NLRP3: variants seen among roughly 807,000 people sequenced by gnomAD.
The protein encoded by NLRP3 is NACHT, LRR and PYD domains-containing protein 3.
A neutral mutation model predicts 91.3 loss-of-function variants in NLRP3; 48 were observed. That is an observed-to-expected ratio of 0.53 (90% confidence interval 0.42 to 0.67). The LOEUF is 0.67. Among genes scored for constraint, NLRP3 ranks in the 30% least tolerant of loss-of-function variants. The pLI is 0.00. For missense variants in NLRP3, 982 were observed against 1,276.9 expected (o/e 0.77, Z 3.52); for synonymous variants, 561 against 507.9 (o/e 1.10, Z -1.41).
At chr1:247,421,273 C>T (rs1434875407) in intron 2 of NLRP3, among the ~76,000 whole-genome samples, 2 of 152,006 alleles carry the variant, frequency 1.3e-5, no homozygotes, top group African/African-American at 4.8e-5. Context: ...TAAGGCAGGG[C>T]AGCAGTGTGG....
chr1:247,448,268 CTTTTTTTT>C (rs58966539), intron 9 of NLRP3, 129 bp from the exon 10 acceptor site: 5 of 357,896 alleles, frequency 1.4e-5, no homozygotes, highest in African/African-American at 2.9e-5. Flanking sequence ...TGTGGTCCCT[CTTTTTTTT>C]TTTTTTTTTT....
intron 2 of NLRP3, among the ~76,000 whole-genome samples, chr1:247,420,608 T>G (rs1221278198): frequency 2.0e-5 from 3 of 152,064 alleles, no homozygotes; most frequent in African/African-American, 7.2e-5. Flanking sequence ...TCCCAGCTAC[T>G]CAGGAGGCTG....
Position 247,436,017 on chromosome 1 carries a change from C to G in NLRP3, c.2540C>G (p.Ser847Ter). ...TCAGCATGTTGTCAGGATCTTGCAT[C>G]AGTATTGAGCACCAGCCATTCCCTG... ...LTSACCQDLA[S>*]VLSTSHSLTR... The change falls in exon 7 of 10, where the codon TCA becomes TGA. Residue 847 changes from serine to a stop codon, truncating the protein, a stop_gained. Coordinates refer to ENST00000336119, the MANE Select transcript of NLRP3 (RefSeq NM_001243133.2). LOFTEE classifies it high-confidence loss of function. 1 of 1,614,092 alleles carries G rather than the reference C, an allele frequency of 6.2e-7. No individual in the cohort carries two copies. The highest frequency in any genetic ancestry group is 1.1e-5 in the South Asian group (1 of 91,076).
intron 4 of NLRP3, among the ~76,000 whole-genome samples, chr1:247,428,806 G>GA (rs1217174776): frequency 7.9e-5 from 12 of 151,492 alleles, no homozygotes; most frequent in African/African-American, 1.5e-4. Context: ...GGTTTCATCT[G>GA]AAAAAAAATT....
intron 7 of NLRP3, 25 bp from the exon 8 acceptor site, chr1:247,443,947 G>T: frequency 6.2e-7 from 1 of 1,613,050 alleles, no homozygotes; most frequent in Non-Finnish European, 8.5e-7. Flanking sequence ...GGGTACTGAG[G>T]ACTCTTCTCC....
At chr1:247,422,380 A>AC (rs1452529062) in intron 2 of NLRP3, among the ~76,000 whole-genome samples, 1 of 149,670 alleles carries the variant, frequency 6.7e-6, no homozygotes, top group Non-Finnish European at 1.5e-5. Context: ...CCCTGTCTCA[A>AC]AAAAAAAAAA....
rs1664749979 is a variant in NLRP3 at position 247,448,534 on chromosome 1, G to A, written c.*30G>A. The A allele has an allele frequency of 1.5e-6, 2 of 1,366,856 alleles. No individual in the cohort carries two copies. The highest frequency in any genetic ancestry group is 2.1e-6 in the Non-Finnish European group (2 of 954,594). The allele number at this position is 1,366,856 out of a possible 1,614,324, so 84.7% of individuals were successfully genotyped here. On this transcript the variant is annotated 3_prime_UTR_variant, in exon 10 of 10. Coordinates refer to ENST00000336119, the MANE Select transcript of NLRP3 (RefSeq NM_001243133.2). The stretch of plus-strand genomic sequence containing the variant: ...GGAAACGGGGCTGCCAGACGCCAGT[G>A]TTCTCCGGTCCCTCCAGCTGGGGGC...
chr1:247,419,112 G>T (rs751366577), intron 2 of NLRP3, 35 bp downstream of exon 2: 2 of 1,586,230 alleles, frequency 1.3e-6, no homozygotes, highest in East Asian at 4.5e-5. Context: ...AAAAATTGTG[G>T]CCAAGTGCAC....
chr1:247,438,927 C>CT (rs1011055023), intron 7 of NLRP3, among the ~76,000 whole-genome samples: 4 of 152,128 alleles, frequency 2.6e-5, no homozygotes, highest in Non-Finnish European at 5.9e-5. Context: ...ACCATCCAGA[C>CT]TTTTTTTAAT....
chr1:247,433,899 G>A (rs1444790086), intron 5 of NLRP3, among the ~76,000 whole-genome samples: 1 of 119,226 alleles, frequency 8.4e-6, no homozygotes, highest in Non-Finnish European at 1.8e-5. Context: ...GGTCAGATGT[G>A]TTCTGATGCT....
At chr1:247,429,494 T>C in intron 4 of NLRP3, 91 bp from the exon 5 acceptor site, 2 of 1,434,564 alleles carry the variant, frequency 1.4e-6, no homozygotes, top group Non-Finnish European at 2.0e-6. Flanking sequence ...GGCATTTCTC[T>C]GAACTGGTGC....
In NLRP3 at chr1:247,424,411, A is replaced by G. The variant is rs1480921250; in HGVS notation, c.962A>G (p.Gln321Arg). 1.2e-6 allele frequency: 2 copies of G among 1,614,166 alleles called. No homozygotes were observed. Among genetic ancestry groups the G allele is most frequent in the South Asian group, 1.1e-5 (1 of 91,082 alleles). ...EHIGPLCTDW[Q>R]KAERGDILLS... ...ATAGGACCGCTCTGCACTGACTGGC[A>G]GAAGGCCGAGCGGGGAGACATTCTC... The change falls in exon 4 of 10, where the codon CAG becomes CGG. Residue 321 changes from glutamine to arginine, a missense_variant. This residue lies in a region of NLRP3 where 548 missense variants were observed against 713.7 expected (regional missense o/e 0.77). Transcript: ENST00000336119. The surrounding 1 kb of genome is among the most constrained non-coding windows in gnomAD (Gnocchi z 8.1).
chr1:247,419,125 A>C, intron 2 of NLRP3, 48 bp downstream of exon 2: 1 of 1,527,536 alleles, frequency 6.5e-7, no homozygotes, highest in Non-Finnish European at 8.9e-7. Context: ...AAGTGCACAT[A>C]GTGTACAATT....
intron 2 of NLRP3, among the ~76,000 whole-genome samples, chr1:247,420,559 C>CA (rs1162431273): frequency 3.3e-5 from 5 of 151,498 alleles, no homozygotes; most frequent in Admixed American, 2.0e-4. Context: ...ACTAAAAATA[C>CA]AAAAAAAATT....
Position 247,423,274 on chromosome 1 carries a change from G to C in NLRP3, c.322G>C (p.Glu108Gln). The part of the protein sequence containing the change: ...RVSNPTVICQ[E>Q]DSIEEEWMGL... ...TTCGAATCCCACTGTGATATGCCAG[G>C]AAGACAGCATTGAAGAGGAGTGGAT... is the stretch of plus-strand genomic sequence containing the variant. Residue 108 changes from glutamate (E) to glutamine (Q), a missense_variant, in exon 3 of 10, where the codon GAA becomes CAA. Transcript: ENST00000336119. The C allele has an allele frequency of 1.9e-6, 3 of 1,607,638 alleles. No individual in the cohort carries two copies. The highest frequency in any genetic ancestry group is 2.6e-6 in the Non-Finnish European group (3 of 1,176,194).
chr1:247,436,483 C>T (rs559857186), intron 7 of NLRP3, among the ~76,000 whole-genome samples: 9 of 152,268 alleles, frequency 5.9e-5, no homozygotes, highest in East Asian at 1.9e-4. Flanking sequence ...TGCAAGTTAT[C>T]GCATAGTGCA....
chr1:247,422,112 C>T (rs973286133), intron 2 of NLRP3, among the ~76,000 whole-genome samples: 9 of 151,458 alleles, frequency 5.9e-5, no homozygotes, highest in African/African-American at 2.2e-4. Flanking sequence ...GGCGCAGTGG[C>T]TTATGCCTGT....
intron 9 of NLRP3, 26 bp downstream of exon 9, chr1:247,444,847 G>A (rs201016257): frequency 4.1e-5 from 66 of 1,610,716 alleles, no homozygotes; most frequent in African/African-American, 1.1e-4. Context: ...AGAGATGCCC[G>A]TGGTGGGACT....
At chr1:247,443,172 C>T (rs1414444508) in intron 7 of NLRP3, among the ~76,000 whole-genome samples, 6 of 152,054 alleles carry the variant, frequency 3.9e-5, no homozygotes, top group Admixed American at 3.9e-4. Context: ...ATCCACCCTC[C>T]CAAAGTGCTG....
Sources: allele counts gnomAD v4.1 joint callset (sites outside exome capture counted in the v4.1 genomes callset), GRCh38; gene constraint gnomAD v4.1.1; regional missense constraint gnomAD v4.1.1; non-coding constraint Gnocchi (gnomAD v3.1); transcripts MANE v1.5; gene names NCBI Gene and HGNC (gene_info 2026-07-23, HGNC 2026-07-21).